IL1RAPL1: variants seen among roughly 807,000 people sequenced by gnomAD.
IL1RAPL1 encodes the protein interleukin-1 receptor accessory protein-like 1.
In IL1RAPL1, 3 loss-of-function variants were observed where a neutral mutation model predicts 48.4. The observed-to-expected ratio is 0.06, with a 90% confidence interval of 0.03 to 0.16. The LOEUF (loss-of-function observed/expected upper bound fraction) is 0.16, where lower values mean the gene tolerates loss of function less well. Ranked by LOEUF, IL1RAPL1 falls within the 10% of genes least tolerant of loss-of-function variation. The pLI is 1.00. For missense variants in IL1RAPL1, 349 were observed against 530.6 expected, an observed-to-expected ratio of 0.66 and a Z score of 3.36; for synonymous variants, 185 against 187.7, an observed-to-expected ratio of 0.99 and a Z score of 0.12.
At chrX:29,810,251 G>A (rs1038214368) in intron 6 of IL1RAPL1, among the ~76,000 whole-genome samples, 1 of 109,708 alleles carries the variant, frequency 9.1e-6, no homozygotes, top group Non-Finnish European at 1.9e-5. Flanking sequence ...AGTGCAGTGG[G>A]GAGATCTCAG....
At chrX:29,862,202 A>G (rs919345262) in intron 6 of IL1RAPL1, among the ~76,000 whole-genome samples, 4 of 110,832 alleles carry the variant, frequency 3.6e-5, no homozygotes, top group Non-Finnish European at 5.7e-5. Flanking sequence ...ATTTGAGAAG[A>G]TGATAATATG....
intron 3 of IL1RAPL1, among the ~76,000 whole-genome samples, chrX:29,312,279 A>G (rs1932736772): frequency 9.0e-6 from 1 of 111,132 alleles, no homozygotes; most frequent in Non-Finnish European, 1.9e-5. Context: ...ATCTGTACTA[A>G]AAGTACAAAA....
At chrX:29,199,606 A>G (rs1236469658) in intron 2 of IL1RAPL1, among the ~76,000 whole-genome samples, 4 of 110,647 alleles carry the variant, frequency 3.6e-5, no homozygotes, top group Admixed American at 9.7e-5. Flanking sequence ...CATAACCTAG[A>G]TCCCTCGCAT....
chrX:29,825,898 G>A (rs1041839738), intron 6 of IL1RAPL1, among the ~76,000 whole-genome samples: 2 of 111,073 alleles, frequency 1.8e-5, no homozygotes, highest in African/African-American at 6.5e-5. Flanking sequence ...TTGGACTGCT[G>A]AATGTAGTTC....
intron 1 of IL1RAPL1, among the ~76,000 whole-genome samples, chrX:28,643,154 G>T (rs980599577): frequency 9.9e-5 from 11 of 111,592 alleles, no homozygotes; most frequent in African/African-American, 3.6e-4. Flanking sequence ...CTCCCAAAAT[G>T]TTGGAATTAC....
intron 3 of IL1RAPL1, among the ~76,000 whole-genome samples, chrX:29,321,345 G>A (rs1932802325): frequency 8.9e-6 from 1 of 111,773 alleles, no homozygotes; most frequent in Admixed American, 9.5e-5. Flanking sequence ...ATTACTGAGA[G>A]GGCCATTAAT....
intron 2 of IL1RAPL1, 89 bp from the exon 3 acceptor site, chrX:29,282,847 AAT>A: frequency 2.1e-6 from 2 of 945,872 alleles, no homozygotes; most frequent in South Asian, 4.1e-5. Flanking sequence ...ATGCTCAGTA[AAT>A]ATTTGTTGGA....
At chrX:29,230,525 A>AC (rs1569265317) in intron 2 of IL1RAPL1, among the ~76,000 whole-genome samples, 12 of 98,241 alleles carry the variant, frequency 1.2e-4, no homozygotes, top group African/African-American at 4.5e-4. Context: ...AAAAAAAAAA[A>AC]AAAAAAAAAA....
At chrX:28,993,365 G>C (rs746497666) in intron 2 of IL1RAPL1, among the ~76,000 whole-genome samples, 2 of 111,735 alleles carry the variant, frequency 1.8e-5, no homozygotes, top group Non-Finnish European at 3.8e-5. Context: ...ACCGGTGAAG[G>C]AGCTGTTGCC....
chrX:29,268,355 T>C (rs1359483388), intron 2 of IL1RAPL1, among the ~76,000 whole-genome samples: 1 of 111,909 alleles, frequency 8.9e-6, no homozygotes, highest in Non-Finnish European at 1.9e-5. Flanking sequence ...GTAATGGAAA[T>C]AAAGAAAGAG....
At chrX:29,858,450 A>C (rs1737207011) in intron 6 of IL1RAPL1, among the ~76,000 whole-genome samples, 1 of 110,880 alleles carries the variant, frequency 9.0e-6, no homozygotes, top group Admixed American at 9.6e-5. Flanking sequence ...TGGAAGTGCC[A>C]CTCTGTAAGC....
At chrX:29,642,667 TCAGA>T (rs1181110616) in intron 5 of IL1RAPL1, among the ~76,000 whole-genome samples, 1 of 112,768 alleles carries the variant, frequency 8.9e-6, no homozygotes, top group African/African-American at 3.2e-5. Context: ...TCAAATGTGC[TCAGA>T]CAATGATTCC....
At chrX:29,075,224 A>T (rs1927644473) in intron 2 of IL1RAPL1, among the ~76,000 whole-genome samples, 2 of 111,255 alleles carry the variant, frequency 1.8e-5, no homozygotes, top group African/African-American at 6.5e-5. Context: ...GTTAGGGGGG[A>T]TTCACAAATG....
chrX:29,350,620 A>AT (rs74748978), intron 3 of IL1RAPL1, among the ~76,000 whole-genome samples: 5 of 36 alleles, frequency 0.14, no homozygotes, highest in South Asian at 1. Flanking sequence ...ATGCGTGCAC[A>AT]CCACACACAC....
At chrX:29,424,092 T>C (rs975028370) in intron 5 of IL1RAPL1, among the ~76,000 whole-genome samples, 3 of 111,233 alleles carry the variant, frequency 2.7e-5, no homozygotes, top group Admixed American at 9.6e-5. Context: ...TGGTGGGAAT[T>C]CTGAGATGAT....
At chrX:28,877,509 A>C (rs1407772788) in intron 2 of IL1RAPL1, among the ~76,000 whole-genome samples, 2 of 112,454 alleles carry the variant, frequency 1.8e-5, no homozygotes, top group African/African-American at 3.2e-5. Flanking sequence ...TGTAGTTAAT[A>C]GATACAGATC....
chrX:28,720,164 A>T (rs184205741), intron 1 of IL1RAPL1, among the ~76,000 whole-genome samples: 25 of 111,141 alleles, frequency 2.2e-4, no homozygotes, highest in Non-Finnish European at 4.5e-4. Flanking sequence ...TTTTTTAATT[A>T]CTCTGACATA....
chrX:29,696,116 G>A (rs1453675471), intron 6 of IL1RAPL1, among the ~76,000 whole-genome samples: 1 of 110,709 alleles, frequency 9.0e-6, no homozygotes. Context: ...TTCTTTGTTG[G>A]GAGGGGTTAT....
Position 29,283,026 on chromosome X carries a change from T to C in IL1RAPL1, c.171T>C (p.Tyr57=). Residue 57 remains tyrosine (Y), a synonymous_variant, in exon 3 of 11, where the codon TAT becomes TAC. Coordinates refer to ENST00000378993, the MANE Select transcript of IL1RAPL1 (RefSeq NM_014271.4). ...EPVRIKCALF[Y]GYIRTNYSLA... is the part of the protein sequence containing the mutation. Reference sequence around the variant, plus strand: ...TTCGAATCAAATGTGCACTCTTTTATGGTTATATCAGAACAAATTACTCCC... The same window carrying C: ...TTCGAATCAAATGTGCACTCTTTTACGGTTATATCAGAACAAATTACTCCC... 1 of 1,211,313 alleles carries C rather than the reference T, an allele frequency of 8.3e-7. No individual in the cohort carries two copies. Among genetic ancestry groups the C allele is most frequent in the Non-Finnish European group, 1.1e-6 (1 of 894,916 alleles).
Sources: gnomAD v4.1 joint callset for allele counts (sites outside exome capture counted in the v4.1 genomes callset) on GRCh38, gnomAD v4.1.1 for gene constraint, MANE v1.5 for transcripts, NCBI Gene and HGNC (gene_info 2026-07-23, HGNC 2026-07-21) for gene names.